The following MYO9A variants were observed in gnomAD, a reference collection of about 807,000 sequenced individuals.
MYO9A encodes the protein unconventional myosin-IXa.
Under a neutral mutation model 293.3 loss-of-function variants are expected in MYO9A, and 103 were observed. That is an observed-to-expected ratio of 0.35 (90% CI 0.30 to 0.41). The LOEUF (loss-of-function observed/expected upper bound fraction) is 0.41, where lower values mean the gene tolerates loss of function less well. MYO9A is among the 10% of genes least tolerant of loss of function. MYO9A has a pLI of 1.00. For missense variants in MYO9A, 2,685 were observed against 3,033.0 expected (o/e 0.89, Z 2.69); for synonymous variants, 1,001 against 1,035.7 (o/e 0.97, Z 0.64).
At chr15:72,034,639 T>A (rs2077986206) in intron 2 of MYO9A, among the ~76,000 whole-genome samples, 1 of 152,176 alleles carries the variant, frequency 6.6e-6, no homozygotes, top group South Asian at 2.1e-4. Flanking sequence ...TACAAGGAAT[T>A]TAGAAAAACC....
Position 71,935,381 on chromosome 15 carries a change from T to G in MYO9A, c.2482A>C (p.Thr828Pro). 1 of 1,613,700 alleles carries G rather than the reference T, an allele frequency of 6.2e-7. No homozygotes were observed. The highest frequency in any genetic ancestry group is 8.5e-7 in the Non-Finnish European group (1 of 1,179,696). ...LDKDGIFANS[T>P]SSKLLERAHG... is the part of the protein sequence containing the mutation. ...GCTCTCTCCAGGAGTTTGCTGCTAGTTGAATTAGCAAATATTCCATCTTTA... is the reference window on the plus strand; with the variant it reads ...GCTCTCTCCAGGAGTTTGCTGCTAGGTGAATTAGCAAATATTCCATCTTTA... The change falls in exon 17 of 42, where the codon ACT becomes CCT. Residue 828 changes from threonine to proline, a missense_variant. Thr to Pro is a conservative substitution (Grantham distance 38, BLOSUM62 -1). Transcript: ENST00000356056.
chr15:71,886,194 TAAA>T (rs34921688), intron 27 of MYO9A, among the ~76,000 whole-genome samples: 48 of 127,158 alleles, frequency 3.8e-4, no homozygotes, highest in Admixed American at 6.3e-4. Flanking sequence ...TAAAGTAGGG[TAAA>T]AAAAAAAAAA....
At chr15:71,953,316 C>T (rs746578462) in intron 14 of MYO9A, among the ~76,000 whole-genome samples, 1 of 152,150 alleles carries the variant, frequency 6.6e-6, no homozygotes, top group Non-Finnish European at 1.5e-5. Flanking sequence ...TGGCAGTCAG[C>T]TGAAGGGGAC....
intron 39 of MYO9A, among the ~76,000 whole-genome samples, chr15:71,846,728 TC>T (rs71438527): frequency 0.014 from 1,983 of 145,754 alleles, 19 homozygotes; most frequent in East Asian, 0.024. Context: ...TGGACAGTTT[TC>T]CACAAATATT....
rs550841411 is a variant in MYO9A at position 72,071,246 on chromosome 15, G to A, written c.-71-24612C>T. On this transcript the variant is annotated intron_variant, in intron 1 of 41. Transcript: ENST00000356056. ...TAAAAGGTGGGCAAAGGACAGGAAC[G>A]GCACTTCTCAAAAGATGACATACAA... is the stretch of plus-strand genomic sequence containing the variant. Among the ~76,000 whole-genome samples, 32 of 151,904 alleles carry A rather than the reference G, an allele frequency of 2.1e-4. 1 individual carries two copies. The highest frequency in any genetic ancestry group is 4.4e-4 in the Non-Finnish European group (30 of 67,988).
At chr15:72,041,066 A>C in intron 2 of MYO9A, 1 of 441,032 alleles carries the variant, frequency 2.3e-6, no homozygotes, top group Admixed American at 2.6e-5. Context: ...GCAACATGGT[A>C]AAACTCCATC....
At position 71,973,073 on chromosome 15, in the gene MYO9A, G is replaced by A. The variant is rs567335115; in HGVS notation, c.1845-4948C>T. 5.9e-5 allele frequency among the ~76,000 whole-genome samples: 9 copies of A among 152,312 alleles called. No individual in the cohort carries two copies. In the South Asian group the frequency reaches 1.7e-3, roughly 28 times the overall value. On this transcript the variant is annotated intron_variant, in intron 12 of 41. Transcript: ENST00000356056. The stretch of plus-strand genomic sequence containing the variant: ...AGAGAGTACTGTGTTGGTCCTTGAA[G>A]CTGGATAAACCTCAGATCTTGGTCT...
intron 39 of MYO9A, among the ~76,000 whole-genome samples, chr15:71,844,652 G>A (rs1484595711): frequency 1.3e-5 from 2 of 152,202 alleles, no homozygotes; most frequent in Non-Finnish European, 2.9e-5. Flanking sequence ...TAAGGCCTAT[G>A]AGGAGAGCTT....
intron 18 of MYO9A, among the ~76,000 whole-genome samples, chr15:71,926,963 T>C (rs1399223692): frequency 1.3e-5 from 2 of 149,102 alleles, no homozygotes; most frequent in East Asian, 4.1e-4. Flanking sequence ...TCATCAGGGG[T>C]GGGGATGCTG....
At chr15:71,956,849 AC>A (rs1185116312) in intron 14 of MYO9A, among the ~76,000 whole-genome samples, 53 of 99,464 alleles carry the variant, frequency 5.3e-4, no homozygotes, top group African/African-American at 2.0e-3. Flanking sequence ...ACACACACAC[AC>A]ACACACACAA....
intron 1 of MYO9A, among the ~76,000 whole-genome samples, chr15:72,063,046 A>G (rs1335319316): frequency 2.6e-5 from 4 of 152,224 alleles, no homozygotes; most frequent in African/African-American, 4.8e-5. Flanking sequence ...CCAAAACAGC[A>G]TAACAACAGA....
At chr15:72,038,488 CAG>C in intron 2 of MYO9A, among the ~76,000 whole-genome samples, 1 of 152,226 alleles carries the variant, frequency 6.6e-6, no homozygotes, top group East Asian at 1.9e-4. Context: ...AAATCAAGAA[CAG>C]GGGACAGAAT....
intron 39 of MYO9A, 128 bp from the exon 40 acceptor site, chr15:71,830,439 G>A (rs568511633): frequency 1.1e-4 from 91 of 856,748 alleles, no homozygotes; most frequent in African/African-American, 1.0e-3. Flanking sequence ...AACACTCTGC[G>A]AGGCCTAGGA....
At chr15:72,013,767 A>G (rs1439144319) in intron 6 of MYO9A, among the ~76,000 whole-genome samples, 1 of 152,208 alleles carries the variant, frequency 6.6e-6, no homozygotes, top group Non-Finnish European at 1.5e-5. Flanking sequence ...TCTTGTCTCT[A>G]TTTCTTAAAA....
intron 13 of MYO9A, among the ~76,000 whole-genome samples, chr15:71,964,617 T>TAAAAA (rs36017249): frequency 4.0e-5 from 5 of 123,916 alleles, no homozygotes; most frequent in African/African-American, 9.4e-5. Context: ...CCATCTCTAC[T>TAAAAA]AAAAAAAAAA....
chr15:72,058,087 T>C (rs1260880382), intron 1 of MYO9A, among the ~76,000 whole-genome samples: 1 of 152,220 alleles, frequency 6.6e-6, no homozygotes, highest in Non-Finnish European at 1.5e-5. Context: ...ATCTTGTTAT[T>C]TGCTATGCAA....
chr15:71,900,048 T>C (rs1338977505), intron 23 of MYO9A, 42 bp from the exon 24 acceptor site: 2 of 1,514,698 alleles, frequency 1.3e-6, no homozygotes. Flanking sequence ...TGTCATATCT[T>C]ACACTGCATT....
intron 26 of MYO9A, chr15:71,892,835 G>T: frequency 2.2e-6 from 1 of 459,808 alleles, no homozygotes; most frequent in Non-Finnish European, 3.4e-6. Context: ...TAGCTTAGTT[G>T]CTGTGTTCAC....
intron 2 of MYO9A, among the ~76,000 whole-genome samples, chr15:72,032,920 G>A (rs142139916): frequency 0.013 from 1,917 of 152,052 alleles, 57 homozygotes; most frequent in Admixed American, 0.057. Flanking sequence ...GTGTGATTTC[G>A]GCTCACTGCA....
Sources: allele counts gnomAD v4.1 joint callset (sites outside exome capture counted in the v4.1 genomes callset), GRCh38; gene constraint gnomAD v4.1.1; transcripts MANE v1.5; gene names NCBI Gene and HGNC (gene_info 2026-07-23, HGNC 2026-07-21).